CLIP1: variants seen among roughly 807,000 people sequenced by gnomAD.
CLIP1 encodes the protein CAP-Gly domain-containing linker protein 1.
A neutral mutation model predicts 161.6 loss-of-function variants in CLIP1; 66 were observed. That is an observed-to-expected ratio of 0.41 (90% confidence interval 0.33 to 0.50). The LOEUF (loss-of-function observed/expected upper bound fraction) is 0.50, where lower values mean the gene tolerates loss of function less well. Ranked by LOEUF, CLIP1 falls within the 20% of genes least tolerant of loss-of-function variation. The pLI, the probability that CLIP1 is intolerant of heterozygous loss-of-function variation, is 0.27. For synonymous variants in CLIP1, 598 were observed against 626.2 expected, an observed-to-expected ratio of 0.96 and a Z score of 0.67; for missense variants, 1,376 against 1,702.0, an observed-to-expected ratio of 0.81 and a Z score of 3.37.
intron 15 of CLIP1, among the ~76,000 whole-genome samples, chr12:122,329,593 G>A (rs1251398430): frequency 1.3e-5 from 2 of 151,206 alleles, no homozygotes; most frequent in African/African-American, 4.9e-5. Context: ...TCGCGCCACT[G>A]CACTCCAGCC....
At chr12:122,313,239 A>G (rs958152986) in intron 19 of CLIP1, among the ~76,000 whole-genome samples, 1 of 152,244 alleles carries the variant, frequency 6.6e-6, no homozygotes, top group South Asian at 2.1e-4. Flanking sequence ...AATCCAAAGC[A>G]GCCCAGGCTC....
chr12:122,370,671 G>A (rs900755377), intron 3 of CLIP1, among the ~76,000 whole-genome samples: 13 of 152,086 alleles, frequency 8.5e-5, no homozygotes, highest in African/African-American at 3.1e-4. Context: ...GTAAACAAAA[G>A]ATGCACAATT....
intron 24 of CLIP1, chr12:122,275,433 A>T (rs2136195102): frequency 6.6e-6 from 1 of 152,116 alleles, no homozygotes; most frequent in South Asian, 2.1e-4. Flanking sequence ...CAACATAGTG[A>T]TACCCTGTCT....
At chr12:122,413,282 C>T (rs1455301128) in intron 1 of CLIP1, among the ~76,000 whole-genome samples, 2 of 152,078 alleles carry the variant, frequency 1.3e-5, no homozygotes, top group South Asian at 2.1e-4. Flanking sequence ...GGAGAATATG[C>T]CAAATATTTC....
At position 122,272,629 on chromosome 12, in the gene CLIP1, G is replaced by A. The variant is rs1955221416; in HGVS notation, c.*246C>T. The A allele has an allele frequency of 2.1e-6, 1 of 484,182 alleles. No individual in the cohort carries two copies. Among genetic ancestry groups the A allele is most frequent in the Admixed American group, 3.4e-5 (1 of 29,142 alleles). The allele number at this position is 484,182 out of a possible 1,614,324, so 30.0% of individuals were successfully genotyped here. ...TAAATGTAATGGCATCTGGTGCAAT[G>A]TCTTCAAACGTAAAAATCAAGAAAA... On this transcript the variant is annotated 3_prime_UTR_variant, in exon 26 of 26. Coordinates refer to ENST00000620786, the MANE Select transcript of CLIP1 (RefSeq NM_001247997.2).
intron 1 of CLIP1, among the ~76,000 whole-genome samples, chr12:122,386,461 A>T (rs1323676909): frequency 3.3e-5 from 5 of 152,208 alleles, no homozygotes; most frequent in Non-Finnish European, 5.9e-5. Flanking sequence ...TGGAGCAGGT[A>T]CACCATTGTT....
Position 122,355,370 on chromosome 12 carries a change from G to C in CLIP1, c.1006-58C>G. 2.7e-6 allele frequency: 4 copies of C among 1,498,358 alleles called. No individual in the cohort carries two copies. Among genetic ancestry groups the C allele is most frequent in the Non-Finnish European group, 2.8e-6 (3 of 1,084,424 alleles). The allele number at this position is 1,498,358 out of a possible 1,614,324, so 92.8% of individuals were successfully genotyped here. Reference sequence around the variant, plus strand: ...TGATGCTGTCAGAAAAGCGAGGGAGGCGCGATGCATGCATGGCGGGCATCT... The same window carrying C: ...TGATGCTGTCAGAAAAGCGAGGGAGCCGCGATGCATGCATGGCGGGCATCT... On this transcript the variant is annotated intron_variant, in intron 5 of 25. Coordinates refer to ENST00000620786, the MANE Select transcript of CLIP1 (RefSeq NM_001247997.2). The surrounding 1 kb of genome is among the most constrained non-coding windows in gnomAD (Gnocchi z 4.1).
chr12:122,420,668 G>C (rs1244042164), intron 1 of CLIP1, among the ~76,000 whole-genome samples: 1 of 152,142 alleles, frequency 6.6e-6, no homozygotes. Context: ...AGGTGCGGTA[G>C]TTCACACCTG....
At chr12:122,376,139 T>C (rs1333525218) in intron 3 of CLIP1, among the ~76,000 whole-genome samples, 2 of 152,098 alleles carry the variant, frequency 1.3e-5, no homozygotes, top group Non-Finnish European at 2.9e-5. Context: ...GGTGTCGCCA[T>C]GTTGGCCAGG....
chr12:122,321,533 T>C (rs1951502842), intron 17 of CLIP1, among the ~76,000 whole-genome samples: 1 of 151,954 alleles, frequency 6.6e-6, no homozygotes, highest in Admixed American at 6.6e-5. Flanking sequence ...CTGTTCTTTT[T>C]TTTTAGATGG....
intron 2 of CLIP1, among the ~76,000 whole-genome samples, chr12:122,378,928 C>T (rs7299845): frequency 1.3e-5 from 2 of 151,982 alleles, no homozygotes; most frequent in Non-Finnish European, 2.9e-5. Context: ...GAGTTTGAGA[C>T]CAGCCTGACC....
intron 9 of CLIP1, among the ~76,000 whole-genome samples, chr12:122,348,544 T>C (rs1384246395): frequency 6.6e-6 from 1 of 152,160 alleles, no homozygotes; most frequent in Non-Finnish European, 1.5e-5. Flanking sequence ...CACTTGGATG[T>C]AGCCTGATAG....
chr12:122,290,062 A>AT (rs989078647), intron 20 of CLIP1, among the ~76,000 whole-genome samples: 3 of 152,170 alleles, frequency 2.0e-5, no homozygotes, highest in African/African-American at 4.8e-5. Context: ...AAGCTCTTAT[A>AT]TTTTTTTAAA....
chr12:122,301,463 C>G (rs1163339301), intron 20 of CLIP1, among the ~76,000 whole-genome samples: 3 of 152,154 alleles, frequency 2.0e-5, no homozygotes, highest in Non-Finnish European at 4.4e-5. Context: ...TTCAGGAGGT[C>G]AGGATTTTGA....
chr12:122,279,132 T>C lies in CLIP1; in HGVS notation c.3661A>G (p.Ile1221Val). The C allele has an allele frequency of 6.2e-7, 1 of 1,611,272 alleles. No homozygotes were observed. The highest frequency in any genetic ancestry group is 8.5e-7 in the Non-Finnish European group (1 of 1,178,602). The change falls in exon 22 of 26, where the codon ATA (isoleucine) becomes GTA (valine). Residue 1221 changes from isoleucine to valine, a missense_variant. By Grantham distance (29) the Ile-to-Val change is conservative. Transcript: ENST00000620786. The surrounding 1 kb of genome is among the most constrained non-coding windows in gnomAD (Gnocchi z 4.5). ...LEMKKRESKF[I>V]KDADEEKASL... Reference sequence around the variant, plus strand: ...GCTTTCTCTTCATCTGCGTCTTTTATGAACTTGGATTCTCTAAAAGACCAA... The same window carrying C: ...GCTTTCTCTTCATCTGCGTCTTTTACGAACTTGGATTCTCTAAAAGACCAA...
Position 122,328,038 on chromosome 12 carries a change from T to C in CLIP1, c.3158A>G (p.Asp1053Gly), listed in dbSNP as rs1442573493. The change falls in exon 17 of 26, where the codon GAC (aspartate) becomes GGC (glycine). Residue 1053 changes from aspartate to glycine, a missense_variant. Transcript: ENST00000620786. ...ILQNLQKTLL[D>G]TEDKLKGARE... ...TGCGCCCTTCAGCTTGTCCTCTGTG[T>C]CCAGCAGCGTCTTCTGGAGGTTCTG... is the stretch of plus-strand genomic sequence containing the variant. 1.2e-6 allele frequency: 2 copies of C among 1,614,192 alleles called. No individual in the cohort carries two copies. The highest frequency in any genetic ancestry group is 2.2e-5 in the South Asian group (2 of 91,086).
intron 11 of CLIP1, among the ~76,000 whole-genome samples, chr12:122,338,024 A>C (rs1425694975): frequency 2.0e-5 from 3 of 150,376 alleles, no homozygotes; most frequent in South Asian, 2.1e-4. Flanking sequence ...CAAAAAAAAA[A>C]AAAACAAAAC....
intron 3 of CLIP1, among the ~76,000 whole-genome samples, chr12:122,375,737 G>A (rs1192316311): frequency 6.6e-6 from 1 of 150,866 alleles, no homozygotes; most frequent in Non-Finnish European, 1.5e-5. Context: ...AAATCAGAAG[G>A]GGAAAAAAAA....
intron 20 of CLIP1, 105 bp from the exon 21 acceptor site, chr12:122,288,646 T>G: frequency 1.1e-6 from 1 of 901,800 alleles, no homozygotes. Context: ...CTAAAGCCAT[T>G]GGCTTTCCTC....
Sources: gnomAD v4.1 joint callset for allele counts (sites outside exome capture counted in the v4.1 genomes callset) on GRCh38, gnomAD v4.1.1 for gene constraint, Gnocchi (gnomAD v3.1) non-coding constraint, MANE v1.5 for transcripts, NCBI Gene and HGNC (gene_info 2026-07-23, HGNC 2026-07-21) for gene names.